Variants in SLC9A9 observed in about 807,000 individuals in gnomAD.
The protein encoded by SLC9A9 is sodium/hydrogen exchanger 9.
Under a neutral mutation model 77.8 loss-of-function variants are expected in SLC9A9, and 62 were observed. The ratio of observed to expected loss-of-function variants is 0.80; its 90% CI spans 0.65 to 0.98. The LOEUF (loss-of-function observed/expected upper bound fraction) is 0.98, where lower values mean the gene tolerates loss of function less well. Among genes scored for constraint, SLC9A9 ranks in the 50% least tolerant of loss-of-function variants. The pLI is 0.00. For synonymous variants in SLC9A9, 320 were observed against 283.5 expected, an observed-to-expected ratio of 1.13 and a Z score of -1.29; for missense variants, 775 against 774.9, an observed-to-expected ratio of 1.00 and a Z score of 0.00.
intron 9 of SLC9A9, among the ~76,000 whole-genome samples, chr3:143,505,853 T>C (rs554333503): frequency 6.6e-6 from 1 of 152,304 alleles, no homozygotes; most frequent in South Asian, 2.1e-4. Context: ...TGTAGCTAGA[T>C]TTCCTGAAAC....
chr3:143,272,832 C>T (rs1458333465), intron 14 of SLC9A9, among the ~76,000 whole-genome samples: 2 of 152,104 alleles, frequency 1.3e-5, no homozygotes, highest in South Asian at 2.1e-4. Context: ...ATGTTCAGCT[C>T]TTGGGGAAAA....
intron 2 of SLC9A9, among the ~76,000 whole-genome samples, chr3:143,820,651 CAGG>C (rs2009142104): frequency 6.6e-6 from 1 of 152,092 alleles, no homozygotes; most frequent in African/African-American, 2.4e-5. Context: ...ATGATACCAG[CAGG>C]AGAAGAGAAA....
chr3:143,592,789 A>T, intron 6 of SLC9A9, among the ~76,000 whole-genome samples: 1 of 152,192 alleles, frequency 6.6e-6, no homozygotes, highest in East Asian at 1.9e-4. Flanking sequence ...CACCATCACC[A>T]GGGCTCAGCT....
intron 9 of SLC9A9, among the ~76,000 whole-genome samples, chr3:143,508,074 A>T (rs1030011436): frequency 6.6e-6 from 1 of 152,194 alleles, no homozygotes; most frequent in Admixed American, 6.5e-5. Context: ...TGAAAAAAGG[A>T]AATATTTCTA....
rs1349794591 is a variant in SLC9A9, at chr3:143,775,094, C to A, written c.533+19907G>T. Among the ~76,000 whole-genome samples, 4 of 152,242 alleles carry A rather than the reference C, an allele frequency of 2.6e-5. No homozygotes were observed. In the East Asian group the frequency reaches 5.8e-4, roughly 22 times the overall value. On this transcript the variant is annotated intron_variant, in intron 4 of 15. Coordinates refer to ENST00000316549, the MANE Select transcript of SLC9A9 (RefSeq NM_173653.4). ...CCTGCTGAGATCAGTTAGATTAGAA[C>A]CCCCTCTCTAAGGGGATCAAAAACC... is the stretch of plus-strand genomic sequence containing the variant.
At chr3:143,398,920 C>G (rs1390271441) in intron 12 of SLC9A9, among the ~76,000 whole-genome samples, 1 of 152,060 alleles carries the variant, frequency 6.6e-6, no homozygotes, top group East Asian at 1.9e-4. Context: ...AGTTAACACT[C>G]TGTAAGACCA....
chr3:143,545,230 C>T (rs1362089623), intron 9 of SLC9A9, among the ~76,000 whole-genome samples: 1 of 152,150 alleles, frequency 6.6e-6, no homozygotes, highest in Non-Finnish European at 1.5e-5. Context: ...TCCTAATTAA[C>T]TCTACACCCA....
intron 12 of SLC9A9, among the ~76,000 whole-genome samples, chr3:143,426,454 T>G (rs1313738303): frequency 1.3e-5 from 2 of 152,350 alleles, no homozygotes; most frequent in East Asian, 3.9e-4. Flanking sequence ...ATTGTTTCCT[T>G]TCTTAAAATA....
intron 1 of SLC9A9, among the ~76,000 whole-genome samples, chr3:143,841,999 C>G (rs2009718627): frequency 6.6e-6 from 1 of 152,172 alleles, no homozygotes; most frequent in African/African-American, 2.4e-5. Context: ...AGGTGATCCA[C>G]TTGCCTCGGC....
At chr3:143,533,666 AG>A (rs1490251765) in intron 9 of SLC9A9, among the ~76,000 whole-genome samples, 1 of 152,200 alleles carries the variant, frequency 6.6e-6, no homozygotes, top group African/African-American at 2.4e-5. Flanking sequence ...TTTGGAGGTA[AG>A]GGTATTTTTA....
intron 4 of SLC9A9, among the ~76,000 whole-genome samples, chr3:143,755,705 C>T (rs970113026): frequency 5.9e-5 from 9 of 152,096 alleles, no homozygotes; most frequent in African/African-American, 1.7e-4. Context: ...TTATTTATAA[C>T]TTATACCCTC....
chr3:143,795,378 T>C (rs969566673), intron 3 of SLC9A9, among the ~76,000 whole-genome samples: 7 of 151,606 alleles, frequency 4.6e-5, no homozygotes, highest in African/African-American at 1.7e-4. Flanking sequence ...AGCAAGGAAC[T>C]GGGCAATGTC....
intron 4 of SLC9A9, among the ~76,000 whole-genome samples, chr3:143,721,566 G>A (rs1376804436): frequency 6.6e-6 from 1 of 152,128 alleles, no homozygotes; most frequent in Non-Finnish European, 1.5e-5. Context: ...GGTGAGCCCT[G>A]ATAGTCCTCC....
At chr3:143,349,290 C>G (rs1576441257) in intron 14 of SLC9A9, among the ~76,000 whole-genome samples, 1 of 152,162 alleles carries the variant, frequency 6.6e-6, no homozygotes, top group East Asian at 1.9e-4. Flanking sequence ...TGGTGATAAT[C>G]TTTTTGCTCC....
At chr3:143,392,405 G>A (rs1041711946) in intron 12 of SLC9A9, among the ~76,000 whole-genome samples, 4 of 152,194 alleles carry the variant, frequency 2.6e-5, no homozygotes, top group Non-Finnish European at 5.9e-5. Flanking sequence ...AAGACTGAGA[G>A]ATTTTGTCAC....
At chr3:143,841,751 G>A (rs1259227948) in intron 1 of SLC9A9, among the ~76,000 whole-genome samples, 1 of 10,132 alleles carries the variant, frequency 9.9e-5, no homozygotes, top group African/African-American at 1.9e-4. Flanking sequence ...AAATATAGAG[G>A]CTCTTTTCTT....
chr3:143,643,403 A>C (rs1423547252), intron 6 of SLC9A9, among the ~76,000 whole-genome samples: 1 of 152,224 alleles, frequency 6.6e-6, no homozygotes, highest in Non-Finnish European at 1.5e-5. Context: ...AACACTTTGA[A>C]ATTGCAGGCC....
chr3:143,621,043 T>C (rs1473642470), intron 6 of SLC9A9, among the ~76,000 whole-genome samples: 1 of 152,094 alleles, frequency 6.6e-6, no homozygotes, highest in Non-Finnish European at 1.5e-5. Flanking sequence ...GAGATCAAAC[T>C]GCAAGGTGAC....
chr3:143,373,605 TAAAAA>T (rs67376157), intron 13 of SLC9A9, among the ~76,000 whole-genome samples: 1 of 58,624 alleles, frequency 1.7e-5, no homozygotes, highest in African/African-American at 7.3e-5. Context: ...ACTGAAATAG[TAAAAA>T]AAAAAAAAAA....
Sources: allele counts gnomAD v4.1 joint callset (sites outside exome capture counted in the v4.1 genomes callset), GRCh38; gene constraint gnomAD v4.1.1; transcripts MANE v1.5; gene names NCBI Gene and HGNC (gene_info 2026-07-23, HGNC 2026-07-21).